PLCB1: variants seen among roughly 807,000 people sequenced by gnomAD.
The protein encoded by PLCB1 is 1-phosphatidylinositol 4,5-bisphosphate phosphodiesterase beta-1.
A neutral mutation model predicts 161.8 loss-of-function variants in PLCB1; 46 were observed. The observed-to-expected ratio is 0.28, with a 90% CI of 0.22 to 0.36. The LOEUF is 0.36. Among genes scored for constraint, PLCB1 ranks in the 10% least tolerant of loss-of-function variants. The pLI, the probability that PLCB1 is intolerant of heterozygous loss-of-function variation, is 1.00. For missense variants in PLCB1, 1,016 were observed against 1,472.5 expected, an observed-to-expected ratio of 0.69 and a Z score of 5.07; for synonymous variants, 517 against 503.7, an observed-to-expected ratio of 1.03 and a Z score of -0.35.
intron 9 of PLCB1, among the ~76,000 whole-genome samples, chr20:8,682,627 T>C (rs1990251055): frequency 6.6e-6 from 1 of 152,240 alleles, no homozygotes; most frequent in Non-Finnish European, 1.5e-5. Flanking sequence ...TAATCAGTGC[T>C]AGCTTTGCCA....
rs115981012 is a variant in PLCB1 at position 8,365,589 on chromosome 20, A to C, written c.178-5793A>C. ...AGTTAAGGAACAAAGAATTGAGTCT[A>C]AGTCCATCTGCTTCTTGTTAAATGA... On this transcript the variant is annotated intron_variant, in intron 2 of 31. Coordinates refer to ENST00000338037, the MANE Select transcript of PLCB1 (RefSeq NM_015192.4). Among the ~76,000 whole-genome samples the C allele has an allele frequency of 6.5e-3, 986 of 152,340 alleles. 8 individuals carry two copies. Among genetic ancestry groups the C allele is most frequent in the African/African-American group, 0.021 (885 of 41,582 alleles).
chr20:8,549,111 C>A (rs1985677749), intron 3 of PLCB1, among the ~76,000 whole-genome samples: 1 of 152,040 alleles, frequency 6.6e-6, no homozygotes, highest in African/African-American at 2.4e-5. Context: ...ACATGTATAC[C>A]TATGTAACAA....
chr20:8,746,065 G>A (rs558222830), intron 23 of PLCB1, among the ~76,000 whole-genome samples: 3 of 152,214 alleles, frequency 2.0e-5, no homozygotes, highest in South Asian at 4.1e-4. Flanking sequence ...CCAAGTAGCC[G>A]GGACTACAGG....
intron 2 of PLCB1, among the ~76,000 whole-genome samples, chr20:8,248,060 GC>G (rs915363257): frequency 1.1e-4 from 17 of 152,048 alleles, no homozygotes; most frequent in African/African-American, 3.9e-4. Context: ...AGGATTATGT[GC>G]AGGGGATTTA....
intron 27 of PLCB1, among the ~76,000 whole-genome samples, chr20:8,778,495 G>T (rs571113021): frequency 2.0e-4 from 31 of 152,144 alleles, no homozygotes; most frequent in Non-Finnish European, 3.8e-4. Flanking sequence ...CACTTGAGGA[G>T]CTAGGGAGGT....
At chr20:8,831,686 G>A (rs182886726) in intron 31 of PLCB1, among the ~76,000 whole-genome samples, 3 of 152,232 alleles carry the variant, frequency 2.0e-5, no homozygotes, top group Admixed American at 2.0e-4. Flanking sequence ...CTGGAGTGCA[G>A]TAGTACAGTT....
At chr20:8,243,942 A>C (rs1208230552) in intron 2 of PLCB1, among the ~76,000 whole-genome samples, 1 of 151,926 alleles carries the variant, frequency 6.6e-6, no homozygotes, top group Non-Finnish European at 1.5e-5. Context: ...TTTTTTAATA[A>C]TTGAAAGAAT....
intron 25 of PLCB1, among the ~76,000 whole-genome samples, chr20:8,762,666 T>C (rs1235334879): frequency 6.6e-6 from 1 of 152,170 alleles, no homozygotes; most frequent in Non-Finnish European, 1.5e-5. Flanking sequence ...ATGAGTCAAT[T>C]TGGGCCTGAA....
intron 2 of PLCB1, among the ~76,000 whole-genome samples, chr20:8,184,734 T>C (rs900332842): frequency 6.7e-6 from 1 of 150,302 alleles, no homozygotes; most frequent in Non-Finnish European, 1.5e-5. Context: ...TTCTTACCTA[T>C]CAGATTGTCA....
At chr20:8,323,523 ACT>A (rs1214215452) in intron 2 of PLCB1, among the ~76,000 whole-genome samples, 8 of 151,744 alleles carry the variant, frequency 5.3e-5, no homozygotes, top group Non-Finnish European at 8.8e-5. Flanking sequence ...ATTCCTATAA[ACT>A]CTCTCCTTAT....
At chr20:8,151,945 G>C (rs2051513200) in intron 2 of PLCB1, among the ~76,000 whole-genome samples, 1 of 152,074 alleles carries the variant, frequency 6.6e-6, no homozygotes, top group African/African-American at 2.4e-5. Context: ...AAAGGGTTTA[G>C]GACCAAAGGC....
chr20:8,765,185 T>A lies in PLCB1; in HGVS notation c.2757T>A (p.Phe919Leu). 1.9e-6 allele frequency: 3 copies of A among 1,614,064 alleles called. No homozygotes were observed. Among genetic ancestry groups the A allele is most frequent in the Non-Finnish European group, 2.5e-6 (3 of 1,180,008 alleles). The change falls in exon 26 of 32, where the codon TTT becomes TTA. Residue 919 changes from phenylalanine to leucine, a missense_variant. Physicochemically the swap from Phe to Leu is conservative, Grantham distance 22 (BLOSUM62 0). Around this residue, in one of 10 missense-constraint regions of PLCB1, gnomAD observed 398 missense variants for 445.4 expected, o/e 0.89. Coordinates refer to ENST00000338037, the MANE Select transcript of PLCB1 (RefSeq NM_015192.4). ...TIEELKQQKS[F>L]VKLQKKHYKE... The stretch of plus-strand genomic sequence containing the variant: ...AAGAACTAAAGCAACAGAAATCGTT[T>A]GTGAAACTTCAAAAGAAACACTACA...
chr20:8,364,778 C>T (rs1192293243), intron 2 of PLCB1, among the ~76,000 whole-genome samples: 2 of 152,222 alleles, frequency 1.3e-5, no homozygotes, highest in Non-Finnish European at 2.9e-5. Flanking sequence ...CAACCTGTAA[C>T]ACATGAACGT....
chr20:8,321,671 C>A (rs1984926003), intron 2 of PLCB1, among the ~76,000 whole-genome samples: 1 of 152,146 alleles, frequency 6.6e-6, no homozygotes. Context: ...CAAACTTAGA[C>A]TGGCTTTATA....
At chr20:8,226,513 C>G (rs757472936) in intron 2 of PLCB1, among the ~76,000 whole-genome samples, 1 of 152,052 alleles carries the variant, frequency 6.6e-6, no homozygotes, top group Non-Finnish European at 1.5e-5. Flanking sequence ...TTCTGCATTT[C>G]CCTGAAGAAG....
Position 8,724,753 on chromosome 20 carries a change from G to GT in PLCB1, c.1678+2dup. ...TTTGAGTCATTTGAAATTTCAAAAA[G>GT]TAAGTTTTCCCTGGAGAAAAACCCC... On this transcript the variant is annotated splice_donor_variant, in intron 16 of 31. Transcript: ENST00000338037. LOFTEE classifies it high-confidence loss of function. 1 of 1,567,950 alleles carries GT rather than the reference G, an allele frequency of 6.4e-7. No homozygotes were observed. Among genetic ancestry groups the GT allele is most frequent in the Non-Finnish European group, 8.8e-7 (1 of 1,139,438 alleles).
At chr20:8,539,640 CTTT>C (rs775007585) in intron 3 of PLCB1, among the ~76,000 whole-genome samples, 17,411 of 92,340 alleles carry the variant, frequency 0.19, 1,701 homozygotes, top group Non-Finnish European at 0.21. Context: ...TTCTTTCTTT[CTTT>C]CTTTCTTTCT....
intron 31 of PLCB1, among the ~76,000 whole-genome samples, chr20:8,840,632 T>C (rs1434372148): frequency 6.6e-6 from 1 of 152,170 alleles, no homozygotes; most frequent in African/African-American, 2.4e-5. Context: ...GCTTTCCTTT[T>C]GGAGGCAATA....
At chr20:8,456,365 G>A (rs561987016) in intron 3 of PLCB1, among the ~76,000 whole-genome samples, 2 of 152,278 alleles carry the variant, frequency 1.3e-5, no homozygotes, top group East Asian at 3.9e-4. Context: ...TGTGAATTGC[G>A]AGTGAAAAGT....
Sources: allele counts gnomAD v4.1 joint callset (sites outside exome capture counted in the v4.1 genomes callset), GRCh38; gene constraint gnomAD v4.1.1; regional missense constraint gnomAD v4.1.1; transcripts MANE v1.5; gene names NCBI Gene and HGNC (gene_info 2026-07-23, HGNC 2026-07-21).